The following CCDC178 variants were observed in gnomAD, a reference collection of about 807,000 sequenced individuals.
CCDC178 encodes the protein coiled-coil domain-containing protein 178.
In CCDC178, 126 loss-of-function variants were observed where a neutral mutation model predicts 117.4. The ratio of observed to expected loss-of-function variants is 1.07; its 90% CI spans 0.93 to 1.24. The LOEUF is 1.24. CCDC178 is among the 50% of genes most tolerant of loss of function. The pLI is 0.00. For synonymous variants in CCDC178, 283 were observed against 313.4 expected (o/e 0.90, Z 1.02); for missense variants, 1,030 against 986.9 (o/e 1.04, Z -0.59).
chr18:33,368,012 A>G (rs1399562499), intron 6 of CCDC178, among the ~76,000 whole-genome samples: 1 of 152,010 alleles, frequency 6.6e-6, no homozygotes, highest in Non-Finnish European at 1.5e-5. Context: ...CAAAGTATCA[A>G]CTAATATTCT....
intron 5 of CCDC178, among the ~76,000 whole-genome samples, chr18:33,384,246 C>T (rs1406205257): frequency 1.3e-5 from 2 of 152,060 alleles, no homozygotes; most frequent in Non-Finnish European, 1.5e-5. Flanking sequence ...GATTAGAGTA[C>T]CCGAAAGAGA....
At chr18:32,989,153 C>T (rs2055335116) in intron 21 of CCDC178, among the ~76,000 whole-genome samples, 1 of 151,998 alleles carries the variant, frequency 6.6e-6, no homozygotes, top group Non-Finnish European at 1.5e-5. Context: ...CCAATAAATG[C>T]AGTAAAAAAA....
intron 21 of CCDC178, among the ~76,000 whole-genome samples, chr18:33,064,148 AG>A (rs1464543861): frequency 6.6e-6 from 1 of 152,262 alleles, no homozygotes; most frequent in Non-Finnish European, 1.5e-5. Flanking sequence ...GGAAAAAGCA[AG>A]GAAAATGACA....
chr18:33,337,389 AC>A (rs757670003), intron 9 of CCDC178, among the ~76,000 whole-genome samples: 1 of 151,968 alleles, frequency 6.6e-6, no homozygotes, highest in Non-Finnish European at 1.5e-5. Flanking sequence ...CCATCTGGAT[AC>A]CCTTTATTTC....
chr18:33,117,577 G>A lies in CCDC178; in HGVS notation c.2239-24667C>T, dbSNP rs148123887. ...ACACACCGGGGCCTGTCGTGGGGTG[G>A]GGGGAGCGGGGAGAGGGATAGCATT... On this transcript the variant is annotated intron_variant, in intron 20 of 22. Coordinates refer to ENST00000383096, the MANE Select transcript of CCDC178 (RefSeq NM_001105528.4). 9.5e-4 allele frequency among the ~76,000 whole-genome samples: 144 copies of A among 152,104 alleles called. 1 individual carries two copies. The highest frequency in any genetic ancestry group is 3.3e-3 in the African/African-American group (135 of 41,516).
chr18:33,333,191 A>G lies in CCDC178; in HGVS notation c.862T>C (p.Tyr288His). ...NQELQDLKNH[Y>H]KKKMEVMDLH... ...TTATTTACCTCCATTTTTTTTTTAT[A>G]ATGGTTCTTCAGATCTTGAAGTTCC... The change falls in exon 10 of 23, where the codon TAT (tyrosine) becomes CAT (histidine). Residue 288 changes from tyrosine to histidine, a missense_variant. Transcript: ENST00000383096. 1.3e-6 allele frequency: 2 copies of G among 1,583,314 alleles called. No homozygotes were observed. The highest frequency in any genetic ancestry group is 1.7e-6 in the Non-Finnish European group (2 of 1,165,606).
chr18:33,091,083 C>A (rs988750857), intron 21 of CCDC178, among the ~76,000 whole-genome samples: 18 of 151,512 alleles, frequency 1.2e-4, no homozygotes, highest in African/African-American at 4.1e-4. Flanking sequence ...TATTTTTGCT[C>A]CCCCCCGATT....
rs2057850071 is a variant in CCDC178, at chr18:33,115,837, G to A, written c.2239-22927C>T. ...GTCCATTTTTCTCTGAAAGGAATCT[G>A]CTAAAATCTATTATTTAGGATAAGT... On this transcript the variant is annotated intron_variant, in intron 20 of 22. Transcript: ENST00000383096. 2.6e-5 allele frequency among the ~76,000 whole-genome samples: 4 copies of A among 152,042 alleles called. No homozygotes were observed. The South Asian group carries it at 6.2e-4, about 24-fold the overall frequency.
chr18:33,117,816 AC>A (rs1193769505), intron 20 of CCDC178, among the ~76,000 whole-genome samples: 6 of 151,952 alleles, frequency 3.9e-5, no homozygotes, highest in Non-Finnish European at 7.4e-5. Flanking sequence ...TGGTAGGGTG[AC>A]CCAAACCCTC....
intron 11 of CCDC178, among the ~76,000 whole-genome samples, chr18:33,315,179 A>C (rs925434902): frequency 3.3e-5 from 5 of 152,008 alleles, no homozygotes; most frequent in African/African-American, 1.2e-4. Context: ...TGATGCCCTT[A>C]CCCTCCTCAA....
At chr18:33,267,320 C>G (rs1188141066) in intron 12 of CCDC178, 23 bp from the exon 13 acceptor site, 1 of 1,363,646 alleles carries the variant, frequency 7.3e-7, no homozygotes, top group Non-Finnish European at 1.0e-6. Context: ...ATATACAGAA[C>G]AAAGTGAATT....
At chr18:33,012,206 A>G (rs536150862) in intron 21 of CCDC178, among the ~76,000 whole-genome samples, 40 of 152,338 alleles carry the variant, frequency 2.6e-4, no homozygotes, top group African/African-American at 9.4e-4. Flanking sequence ...ATTTCTGCAA[A>G]ACATTATATT....
intron 6 of CCDC178, among the ~76,000 whole-genome samples, chr18:33,367,914 T>C (rs944880163): frequency 4.6e-5 from 7 of 152,062 alleles, no homozygotes; most frequent in Non-Finnish European, 1.0e-4. Context: ...AAAACTCGTA[T>C]TTATTTATTC....
rs2063618261 is a variant in CCDC178, at chr18:33,395,084, G to T, written c.118+2065C>A. 2.0e-5 allele frequency among the ~76,000 whole-genome samples: 3 copies of T among 148,988 alleles called. No individual in the cohort carries two copies. In the Admixed American group the frequency reaches 2.0e-4, roughly 10 times the overall value. ...CTAAGTGGAGCACAGGGTGCAAAAT[G>T]ACATTTGACACAAAAGTCATTGACA... On this transcript the variant is annotated intron_variant, in intron 4 of 22. Coordinates refer to ENST00000383096, the MANE Select transcript of CCDC178 (RefSeq NM_001105528.4).
intron 5 of CCDC178, among the ~76,000 whole-genome samples, chr18:33,383,991 C>T (rs59392926): frequency 0.016 from 2,371 of 151,998 alleles, 57 homozygotes; most frequent in African/African-American, 0.053. Flanking sequence ...GCTGTTAACT[C>T]GAATAACCAG....
chr18:33,185,352 G>C (rs1030055477), intron 20 of CCDC178, among the ~76,000 whole-genome samples: 10 of 151,906 alleles, frequency 6.6e-5, no homozygotes, highest in African/African-American at 2.4e-4. Flanking sequence ...AAAAAATGAA[G>C]GAATGCAGAA....
chr18:32,991,391 C>T (rs2055390077), intron 21 of CCDC178, among the ~76,000 whole-genome samples: 1 of 152,110 alleles, frequency 6.6e-6, no homozygotes, highest in African/African-American at 2.4e-5. Context: ...GTGGGGGAAA[C>T]TGGACTTCAC....
At chr18:33,171,215 A>G (rs2058595424) in intron 20 of CCDC178, among the ~76,000 whole-genome samples, 1 of 152,226 alleles carries the variant, frequency 6.6e-6, no homozygotes, top group African/African-American at 2.4e-5. Flanking sequence ...AATAACGAGT[A>G]TAAGCCTACA....
intron 21 of CCDC178, among the ~76,000 whole-genome samples, chr18:32,991,486 C>T (rs1474800117): frequency 6.6e-6 from 1 of 152,150 alleles, no homozygotes; most frequent in Non-Finnish European, 1.5e-5. Context: ...GCAGACTTAA[C>T]AAGAGAAAAT....
Sources: gnomAD v4.1 joint callset for allele counts (sites outside exome capture counted in the v4.1 genomes callset) on GRCh38, gnomAD v4.1.1 for gene constraint, MANE v1.5 for transcripts, NCBI Gene and HGNC (gene_info 2026-07-23, HGNC 2026-07-21) for gene names.